Variants in ATP2B1 observed in about 807,000 individuals in gnomAD.
The protein encoded by ATP2B1 is plasma membrane calcium-transporting ATPase 1.
In ATP2B1, 14 loss-of-function variants were observed where a neutral mutation model predicts 124.2. That is an observed-to-expected ratio of 0.11 (90% CI 0.07 to 0.18). ATP2B1 has a LOEUF of 0.18. Ranked by LOEUF, ATP2B1 falls within the 10% of genes least tolerant of loss-of-function variation. The probability of loss-of-function intolerance (pLI) is 1.00; values close to 1 mark genes in which losing one functional copy is unlikely to be tolerated. For synonymous variants in ATP2B1, 449 were observed against 492.4 expected (o/e 0.91, Z 1.17); for missense variants, 763 against 1,466.1 (o/e 0.52, Z 7.83).
chr12:89,642,925 G>A (rs935034613), intron 2 of ATP2B1, among the ~76,000 whole-genome samples: 2 of 151,978 alleles, frequency 1.3e-5, no homozygotes, highest in East Asian at 1.9e-4. Context: ...ATTTCTGATC[G>A]TACTATCCTA....
At chr12:89,707,072 GAA>G (rs1261586654) in intron 1 of ATP2B1, among the ~76,000 whole-genome samples, 1 of 152,048 alleles carries the variant, frequency 6.6e-6, no homozygotes, top group African/African-American at 2.4e-5. Context: ...GGAGGATAAA[GAA>G]AAAGAGAGGG....
chr12:89,677,313 T>A (rs905560905), intron 1 of ATP2B1, among the ~76,000 whole-genome samples: 1 of 152,150 alleles, frequency 6.6e-6, no homozygotes, highest in African/African-American at 2.4e-5. Flanking sequence ...TTCAATTGTA[T>A]GCTGGGAAGC....
intron 1 of ATP2B1, among the ~76,000 whole-genome samples, chr12:89,681,158 G>T (rs1177419183): frequency 6.6e-6 from 1 of 152,002 alleles, no homozygotes; most frequent in Non-Finnish European, 1.5e-5. Context: ...AAAAAGAAAA[G>T]AATGCATATG....
At chr12:89,679,419 A>C (rs1246332243) in intron 1 of ATP2B1, among the ~76,000 whole-genome samples, 1 of 152,212 alleles carries the variant, frequency 6.6e-6, no homozygotes, top group Non-Finnish European at 1.5e-5. Context: ...TACCGTTGGA[A>C]TCAGTCTCCA....
intron 1 of ATP2B1, among the ~76,000 whole-genome samples, chr12:89,673,895 G>A (rs1471595919): frequency 2.0e-5 from 3 of 152,302 alleles, no homozygotes; most frequent in Non-Finnish European, 2.9e-5. Flanking sequence ...TAAACAACAA[G>A]TAACAGTTTA....
At chr12:89,609,123 C>T (rs917847889) in intron 15 of ATP2B1, among the ~76,000 whole-genome samples, 13 of 152,160 alleles carry the variant, frequency 8.5e-5, no homozygotes, top group African/African-American at 3.1e-4. Flanking sequence ...CATCTGAAAA[C>T]CTTAGGGCCA....
At chr12:89,694,727 G>A (rs1227661179) in intron 1 of ATP2B1, among the ~76,000 whole-genome samples, 1 of 152,086 alleles carries the variant, frequency 6.6e-6, no homozygotes, top group Non-Finnish European at 1.5e-5. Flanking sequence ...CCCTCCAAAT[G>A]TAATTGTGAC....
intron 1 of ATP2B1, among the ~76,000 whole-genome samples, chr12:89,675,220 G>A (rs573773148): frequency 2.3e-4 from 35 of 152,132 alleles, no homozygotes; most frequent in Admixed American, 5.2e-4. Flanking sequence ...AAAAGATCCC[G>A]TCTAGCTTAC....
In ATP2B1 at chr12:89,642,315, T is replaced by C. The variant is rs752210858; in HGVS notation, c.249A>G (p.Ala83=). ...GNPADLERRE[A]VFGKNFIPPK... ...GAGGTATAAAATTCTTTCCAAACAC[T>C]GCTTCTCTTCTTTCTAAATCTGCAG... The change falls in exon 3 of 21, where the codon GCA becomes GCG. Residue 83 remains alanine (A), a synonymous_variant. Transcript: ENST00000428670. 1 of 1,613,736 alleles carries C rather than the reference T, an allele frequency of 6.2e-7. No homozygotes were observed. Among genetic ancestry groups the C allele is most frequent in the Non-Finnish European group, 8.5e-7 (1 of 1,179,906 alleles).
At chr12:89,678,219 A>G (rs1408128651) in intron 1 of ATP2B1, among the ~76,000 whole-genome samples, 1 of 151,808 alleles carries the variant, frequency 6.6e-6, no homozygotes, top group East Asian at 1.9e-4. Flanking sequence ...ACCCCCAATA[A>G]CCCATACTTC....
chr12:89,669,290 A>C (rs1300151802), intron 1 of ATP2B1, among the ~76,000 whole-genome samples: 1 of 152,194 alleles, frequency 6.6e-6, no homozygotes, highest in Non-Finnish European at 1.5e-5. Flanking sequence ...GGGTCACTTA[A>C]CGGAACTGCA....
chr12:89,646,757 T>C (rs1165022160), intron 2 of ATP2B1, among the ~76,000 whole-genome samples: 1 of 152,152 alleles, frequency 6.6e-6, no homozygotes, highest in African/African-American at 2.4e-5. Flanking sequence ...TAAGCATAGC[T>C]AACTTTTTCC....
At chr12:89,693,167 C>A (rs756756594) in intron 1 of ATP2B1, among the ~76,000 whole-genome samples, 5 of 152,124 alleles carry the variant, frequency 3.3e-5, no homozygotes, top group Non-Finnish European at 5.9e-5. Context: ...AGGGAAGCTG[C>A]AGCAATGCCT....
rs566043596 is a variant in ATP2B1 at position 89,685,795 on chromosome 12, T to C, written c.-222+22801A>G. ...TTGGCAATAAGGTCTTAAGAGGTAATTAAGCATTAAAACAGGTCTTATGGG... is the reference window on the plus strand; with the variant it reads ...TTGGCAATAAGGTCTTAAGAGGTAACTAAGCATTAAAACAGGTCTTATGGG... On this transcript the variant is annotated intron_variant, in intron 1 of 20. Transcript: ENST00000428670. Among the ~76,000 whole-genome samples the C allele has an allele frequency of 8.5e-5, 13 of 152,238 alleles. No homozygotes were observed. In the South Asian group the frequency reaches 2.7e-3, roughly 32 times the overall value.
chr12:89,674,224 C>T (rs999885467), intron 1 of ATP2B1, among the ~76,000 whole-genome samples: 6 of 152,026 alleles, frequency 3.9e-5, no homozygotes, highest in Non-Finnish European at 8.8e-5. Context: ...AATTTAATTA[C>T]AATTGTGGTA....
chr12:89,628,892 C>A (rs1881373507), intron 6 of ATP2B1, among the ~76,000 whole-genome samples: 1 of 152,086 alleles, frequency 6.6e-6, no homozygotes, highest in African/African-American at 2.4e-5. Flanking sequence ...AACTGAGACA[C>A]ATTACCCCGG....
chr12:89,684,511 A>G (rs1439770024), intron 1 of ATP2B1, among the ~76,000 whole-genome samples: 3 of 152,320 alleles, frequency 2.0e-5, no homozygotes. Context: ...ACACATATAC[A>G]GACAACATAC....
intron 12 of ATP2B1, among the ~76,000 whole-genome samples, chr12:89,615,899 C>T (rs1422233889): frequency 6.6e-6 from 1 of 151,934 alleles, no homozygotes; most frequent in Non-Finnish European, 1.5e-5. Flanking sequence ...TCTTAAAAAT[C>T]TGCCAAATAA....
intron 1 of ATP2B1, among the ~76,000 whole-genome samples, chr12:89,706,314 C>CA (rs1892449101): frequency 6.9e-6 from 1 of 145,468 alleles, no homozygotes; most frequent in Non-Finnish European, 1.5e-5. Flanking sequence ...TGGAAGACAA[C>CA]AAAAAAGAAT....
Sources: gnomAD v4.1 joint callset for allele counts (sites outside exome capture counted in the v4.1 genomes callset) on GRCh38, gnomAD v4.1.1 for gene constraint, MANE v1.5 for transcripts, NCBI Gene and HGNC (gene_info 2026-07-23, HGNC 2026-07-21) for gene names.